ITM2B: variants seen among roughly 807,000 people sequenced by gnomAD.
ITM2B encodes integral membrane protein 2B, also known as ABri/ADan amyloid peptide.
ITM2B carries 11 observed loss-of-function variants against 27.8 expected under a neutral mutation model. That is an observed-to-expected ratio of 0.40 (90% CI 0.25 to 0.66). The LOEUF is 0.66. Among genes scored for constraint, ITM2B ranks in the 30% least tolerant of loss-of-function variants. The pLI, the probability that ITM2B is intolerant of heterozygous loss-of-function variation, is 0.43. For missense variants in ITM2B, 296 were observed against 328.9 expected (o/e 0.90, Z 0.77); for synonymous variants, 114 against 114.3 (o/e 1.00, Z 0.02).
chr13:48,260,480 C>T (rs954243373), intron 5 of ITM2B, among the ~76,000 whole-genome samples: 1 of 152,072 alleles, frequency 6.6e-6, no homozygotes, highest in Non-Finnish European at 1.5e-5. Context: ...AAAAGCGTTC[C>T]CCAATAGGTA....
chr13:48,251,817 T>G (rs1372078987), intron 1 of ITM2B, among the ~76,000 whole-genome samples: 2 of 152,194 alleles, frequency 1.3e-5, no homozygotes, highest in East Asian at 3.9e-4. Context: ...TAGGAATGAT[T>G]TCTTACCTCC....
intron 1 of ITM2B, among the ~76,000 whole-genome samples, chr13:48,250,936 T>G (rs1951752302): frequency 6.6e-6 from 1 of 152,242 alleles, no homozygotes; most frequent in African/African-American, 2.4e-5. Flanking sequence ...GTTTATTTCC[T>G]GATTCTTAAG....
chr13:48,254,838 C>T (rs994321393), intron 2 of ITM2B: 1 of 151,926 alleles, frequency 6.6e-6, no homozygotes, highest in Non-Finnish European at 1.5e-5. Context: ...AAAAAATCAT[C>T]GCAATTCCAT....
At chr13:48,259,008 A>C in intron 5 of ITM2B, 61 bp downstream of exon 5, 1 of 1,287,746 alleles carries the variant, frequency 7.8e-7, no homozygotes, top group African/African-American at 1.5e-5. Context: ...AACTAGATTT[A>C]GGTGAAGCCT....
intron 1 of ITM2B, among the ~76,000 whole-genome samples, chr13:48,241,102 G>A (rs1182488730): frequency 6.6e-6 from 1 of 152,220 alleles, no homozygotes; most frequent in Non-Finnish European, 1.5e-5. Context: ...TAGAGCATCA[G>A]TTGGTTTCTA....
intron 1 of ITM2B, among the ~76,000 whole-genome samples, chr13:48,250,041 A>G (rs907695992): frequency 2.0e-5 from 3 of 152,230 alleles, no homozygotes; most frequent in African/African-American, 7.2e-5. Context: ...ATTATGGAAC[A>G]TCATTTATCT....
chr13:48,237,235 T>G (rs1442343042), intron 1 of ITM2B, among the ~76,000 whole-genome samples: 3 of 152,216 alleles, frequency 2.0e-5, no homozygotes, highest in Non-Finnish European at 4.4e-5. Flanking sequence ...TTAACCAAAG[T>G]GCATCTTATT....
chr13:48,255,553 C>T (rs1951782195), intron 2 of ITM2B, among the ~76,000 whole-genome samples: 1 of 152,138 alleles, frequency 6.6e-6, no homozygotes, highest in Non-Finnish European at 1.5e-5. Flanking sequence ...TCTCAGGCCT[C>T]CTCCCCACAA....
rs1255737296 is a variant in ITM2B, at chr13:48,265,368, G to A, written c.*4144G>A. The A allele has an allele frequency of 2.0e-5, 3 of 152,106 alleles. No individual in the cohort carries two copies. Among genetic ancestry groups the A allele is most frequent in the Admixed American group, 6.6e-5 (1 of 15,246 alleles). The allele number at this position is 152,106 out of a possible 1,614,324, so 9.4% of individuals were successfully genotyped here. ...TGGTCTTATCCCCGTCGCAAATGGA[G>A]GATATTTAAGAAACCCAAGCCAGAA... On this transcript the variant is annotated 3_prime_UTR_variant, in exon 6 of 6. Coordinates refer to ENST00000647800, the MANE Select transcript of ITM2B (RefSeq NM_021999.5).
intron 2 of ITM2B, among the ~76,000 whole-genome samples, chr13:48,255,760 A>C (rs1384144529): frequency 6.6e-6 from 1 of 152,226 alleles, no homozygotes; most frequent in African/African-American, 2.4e-5. Flanking sequence ...GCTAATAAGA[A>C]AAAAGTCATT....
Position 48,233,369 on chromosome 13 carries a change from G to A in ITM2B, c.9G>A (p.Lys3=), listed in dbSNP as rs1265970067. The A allele has an allele frequency of 3.2e-6, 5 of 1,560,270 alleles. No homozygotes were observed. The highest frequency in any genetic ancestry group is 1.2e-5 in the South Asian group (1 of 84,586). The change falls in exon 1 of 6, where the codon AAG becomes AAA. Residue 3 remains lysine (K), a synonymous_variant. Coordinates refer to ENST00000647800, the MANE Select transcript of ITM2B (RefSeq NM_021999.5). Reference sequence around the variant, plus strand: ...GCGCCCCAGGCCGCGCCATGGTGAAGGTGACGTTCAACTCCGCTCTGGCCC... The same window carrying A: ...GCGCCCCAGGCCGCGCCATGGTGAAAGTGACGTTCAACTCCGCTCTGGCCC... MV[K]VTFNSALAQK...
chr13:48,240,688 T>C (rs1302832824), intron 1 of ITM2B, among the ~76,000 whole-genome samples: 1 of 152,234 alleles, frequency 6.6e-6, no homozygotes, highest in Non-Finnish European at 1.5e-5. Context: ...TAGGTGTTAA[T>C]AGAATTTGAG....
chr13:48,237,558 A>G (rs1951675135), intron 1 of ITM2B, among the ~76,000 whole-genome samples: 2 of 152,224 alleles, frequency 1.3e-5, no homozygotes, highest in South Asian at 4.1e-4. Context: ...ACTCTGACAT[A>G]TAAAAGGTTT....
chr13:48,238,085 A>G (rs1396491898), intron 1 of ITM2B, among the ~76,000 whole-genome samples: 1 of 152,218 alleles, frequency 6.6e-6, no homozygotes, highest in Admixed American at 6.5e-5. Context: ...TAAATGATAT[A>G]CAAAATATTA....
In ITM2B at chr13:48,264,570, A is replaced by G. The variant is rs924995462; in HGVS notation, c.*3346A>G. ...TTACTAGACATCTTCTCTTCCACCT[A>G]GCAAAGAGTTTGTTGCCCAGAGTTA... is the stretch of plus-strand genomic sequence containing the variant. On this transcript the variant is annotated 3_prime_UTR_variant, in exon 6 of 6. Coordinates refer to ENST00000647800, the MANE Select transcript of ITM2B (RefSeq NM_021999.5). 1 of 152,196 alleles carries G rather than the reference A, an allele frequency of 6.6e-6. No individual in the cohort carries two copies. The highest frequency in any genetic ancestry group is 1.5e-5 in the Non-Finnish European group (1 of 68,026). 9.4% of individuals were successfully genotyped at this position (152,196 alleles called of 1,614,324 possible).
At chr13:48,245,540 T>A (rs942801034) in intron 1 of ITM2B, among the ~76,000 whole-genome samples, 4 of 151,960 alleles carry the variant, frequency 2.6e-5, no homozygotes, top group African/African-American at 7.2e-5. Context: ...ATAATCTGCC[T>A]GTTGTTTTTT....
chr13:48,254,745 CAAT>C (rs1951775500), intron 2 of ITM2B, among the ~76,000 whole-genome samples: 1 of 147,134 alleles, frequency 6.8e-6, no homozygotes, highest in Non-Finnish European at 1.5e-5. Context: ...TCAAGATAAT[CAAT>C]CACATGTTGA....
At chr13:48,238,165 T>C (rs956123829) in intron 1 of ITM2B, among the ~76,000 whole-genome samples, 1 of 151,662 alleles carries the variant, frequency 6.6e-6, no homozygotes, top group Admixed American at 6.6e-5. Flanking sequence ...AATTGGAAAT[T>C]ATAACACTAA....
At chr13:48,258,536 T>A (rs773575986) in intron 4 of ITM2B, among the ~76,000 whole-genome samples, 1 of 152,070 alleles carries the variant, frequency 6.6e-6, no homozygotes, top group Non-Finnish European at 1.5e-5. Flanking sequence ...CCAAAAAAAA[T>A]TCTACTTATA....
Sources: allele counts gnomAD v4.1 joint callset (sites outside exome capture counted in the v4.1 genomes callset), GRCh38; gene constraint gnomAD v4.1.1; transcripts MANE v1.5; gene names NCBI Gene and HGNC (gene_info 2026-07-23, HGNC 2026-07-21).